The following OSBP2 variants were observed in gnomAD, a reference collection of about 807,000 sequenced individuals.
OSBP2 encodes the protein oxysterol-binding protein 2.
OSBP2 carries 66 observed loss-of-function variants against 96.0 expected under a neutral mutation model. That is an observed-to-expected ratio of 0.69 (90% CI 0.56 to 0.84). The LOEUF is 0.84. Among genes scored for constraint, OSBP2 ranks in the 40% least tolerant of loss-of-function variants. The pLI, the probability that OSBP2 is intolerant of heterozygous loss-of-function variation, is 0.00. For missense variants in OSBP2, 1,038 were observed against 1,222.7 expected (o/e 0.85, Z 2.25); for synonymous variants, 525 against 520.9 (o/e 1.01, Z -0.11).
intron 2 of OSBP2, chr22:30,764,176 C>G (rs1006839548): frequency 2.1e-6 from 2 of 934,086 alleles, no homozygotes; most frequent in African/African-American, 3.6e-5. Context: ...CGCCTACCCT[C>G]CATTGATGTC....
At chr22:30,803,134 C>A in intron 2 of OSBP2, 1 of 199,812 alleles carries the variant, frequency 5.0e-6, no homozygotes, top group Non-Finnish European at 9.9e-6. Context: ...CCCTCGCAGC[C>A]TCGGGGCAGG....
rs541968988 is a variant in OSBP2, at chr22:30,869,213, C to T, written c.854-1216C>T. On this transcript the variant is annotated intron_variant, in intron 2 of 13. Coordinates refer to ENST00000332585, the MANE Select transcript of OSBP2 (RefSeq NM_030758.4). ...TGCGTGAGAGAGAGGTAAGAGGGGG[C>T]GTGGGAGCTGGCAGAGGGCACAGCC... is the stretch of plus-strand genomic sequence containing the variant. Among the ~76,000 whole-genome samples, 1,085 of 152,246 alleles carry T rather than the reference C, an allele frequency of 7.1e-3. 21 individuals are homozygous for T. The highest frequency in any genetic ancestry group is 6.5e-3 in the Non-Finnish European group (444 of 68,014).
chr22:30,714,534 C>T (rs761561524), intron 1 of OSBP2, among the ~76,000 whole-genome samples: 23 of 152,170 alleles, frequency 1.5e-4, no homozygotes, highest in Middle Eastern at 6.8e-3. Flanking sequence ...AAAATGTTTT[C>T]ATCCTGCAAA....
At chr22:30,766,326 G>A (rs920407473) in intron 2 of OSBP2, among the ~76,000 whole-genome samples, 6 of 152,186 alleles carry the variant, frequency 3.9e-5, no homozygotes, top group African/African-American at 9.7e-5. Context: ...GGTACCTGGC[G>A]GGACAGCCAT....
chr22:30,891,032 T>C, intron 8 of OSBP2, 59 bp downstream of exon 8: 1 of 1,564,344 alleles, frequency 6.4e-7, no homozygotes, highest in Non-Finnish European at 8.6e-7. Context: ...AAGCTGTTCC[T>C]GCCAGGCCCA....
At chr22:30,845,996 A>C (rs1602349052) in intron 2 of OSBP2, among the ~76,000 whole-genome samples, 1 of 152,018 alleles carries the variant, frequency 6.6e-6, no homozygotes, top group East Asian at 1.9e-4. Context: ...ATAATGAACA[A>C]TGCTGCTATG....
chr22:30,876,817 G>A (rs1194016737), intron 3 of OSBP2, among the ~76,000 whole-genome samples: 1 of 152,200 alleles, frequency 6.6e-6, no homozygotes, highest in Non-Finnish European at 1.5e-5. Context: ...GAGGGGCTCA[G>A]GATCCCAGCT....
intron 2 of OSBP2, among the ~76,000 whole-genome samples, chr22:30,850,119 A>G (rs1310784319): frequency 6.6e-6 from 1 of 152,180 alleles, no homozygotes; most frequent in East Asian, 1.9e-4. Flanking sequence ...CCTGGCCAAC[A>G]TGGTGAAACC....
At chr22:30,888,197 A>G in intron 4 of OSBP2, 26 bp from the exon 5 acceptor site, 16 of 1,474,026 alleles carry the variant, frequency 1.1e-5, no homozygotes, top group Non-Finnish European at 1.4e-5. Flanking sequence ...TGAGGTTACA[A>G]ATTAAAGCTC....
chr22:30,853,425 A>G (rs1007330228), intron 2 of OSBP2, among the ~76,000 whole-genome samples: 3 of 152,146 alleles, frequency 2.0e-5, no homozygotes, highest in African/African-American at 7.2e-5. Context: ...TGCTGTTTGC[A>G]TGGTGTTTCT....
At chr22:30,903,525 C>A (rs1362594214) in intron 12 of OSBP2, among the ~76,000 whole-genome samples, 1 of 152,242 alleles carries the variant, frequency 6.6e-6, no homozygotes, top group Non-Finnish European at 1.5e-5. Context: ...ACGGAGAAAA[C>A]ACAGTGAATG....
At chr22:30,767,323 A>C (rs964593345) in intron 2 of OSBP2, among the ~76,000 whole-genome samples, 7 of 151,798 alleles carry the variant, frequency 4.6e-5, no homozygotes, top group African/African-American at 1.7e-4. Flanking sequence ...TAAAAAAAAA[A>C]AATGTTGTTA....
At chr22:30,826,178 C>T (rs1267396656) in intron 2 of OSBP2, among the ~76,000 whole-genome samples, 4 of 152,096 alleles carry the variant, frequency 2.6e-5, no homozygotes, top group Non-Finnish European at 4.4e-5. Context: ...ATGGAGGACA[C>T]GGGGTCCTTC....
chr22:30,905,864 C>A lies in OSBP2; in HGVS notation c.2403C>A (p.Phe801Leu). The A allele has an allele frequency of 6.2e-7, 1 of 1,613,414 alleles. No individual in the cohort carries two copies. The highest frequency in any genetic ancestry group is 8.5e-7 in the Non-Finnish European group (1 of 1,179,686). ...AGAACGCGGAGAACATGTACTACTT[C>A]TCAGAGCTGGCCCTGACCCTCAACG... ...LPENAENMYYFSELALTLNEH... is the reference protein window; with the variant it reads ...LPENAENMYYLSELALTLNEH... Residue 801 changes from phenylalanine to leucine, a missense_variant, in exon 13 of 14, where the codon TTC becomes TTA. This residue lies in a region of OSBP2 where 737 missense variants were observed against 913.3 expected (regional missense o/e 0.81). Coordinates refer to ENST00000332585, the MANE Select transcript of OSBP2 (RefSeq NM_030758.4).
chr22:30,711,583 T>A (rs538906345), intron 1 of OSBP2, among the ~76,000 whole-genome samples: 1 of 151,542 alleles, frequency 6.6e-6, no homozygotes, highest in South Asian at 2.1e-4. Flanking sequence ...CTACAAAAAA[T>A]GCAAAAATCA....
chr22:30,772,766 C>T (rs903351958), intron 2 of OSBP2, among the ~76,000 whole-genome samples: 4 of 151,524 alleles, frequency 2.6e-5, no homozygotes, highest in Admixed American at 6.6e-5. Context: ...ACATACCACA[C>T]GGGGAACGGC....
intron 2 of OSBP2, among the ~76,000 whole-genome samples, chr22:30,849,043 G>T (rs2038925935): frequency 6.6e-6 from 1 of 152,098 alleles, no homozygotes; most frequent in Non-Finnish European, 1.5e-5. Context: ...AAGGCAGGGG[G>T]ATCACCTGAG....
In OSBP2 at chr22:30,893,132, AC is replaced by A; in HGVS notation, c.1887del (p.Ser630GlnfsTer34). On this transcript the variant is annotated frameshift_variant, in exon 9 of 14. Coordinates refer to ENST00000332585, the MANE Select transcript of OSBP2 (RefSeq NM_030758.4). LOFTEE classifies it high-confidence loss of function. ...LRSLCEQVSH[H>X]PPSAAHYVFS... ...TGGGTCTGGTCTCAGGTGAGCCACC[AC>A]CCCCCCTCAGCTGCGCACTACGTGT... 3.1e-6 allele frequency: 5 copies of A among 1,612,808 alleles called. No homozygotes were observed. The highest frequency in any genetic ancestry group is 2.5e-6 in the Non-Finnish European group (3 of 1,179,712).
At chr22:30,819,490 C>T (rs1006861010) in intron 2 of OSBP2, among the ~76,000 whole-genome samples, 2 of 152,204 alleles carry the variant, frequency 1.3e-5, no homozygotes, top group Non-Finnish European at 2.9e-5. Flanking sequence ...TCAGTCTCTT[C>T]GGCTTCCTTG....
Sources: gnomAD v4.1 joint callset for allele counts (sites outside exome capture counted in the v4.1 genomes callset) on GRCh38, gnomAD v4.1.1 for gene constraint, gnomAD v4.1.1 regional missense constraint, MANE v1.5 for transcripts, NCBI Gene and HGNC (gene_info 2026-07-23, HGNC 2026-07-21) for gene names.